SRRM4: variants seen among roughly 807,000 people sequenced by gnomAD.
SRRM4 encodes serine/arginine repetitive matrix 4, also known as serine/arginine repetitive matrix protein 4.
SRRM4 carries 33 observed loss-of-function variants against 68.9 expected under a neutral mutation model. The observed-to-expected ratio is 0.48, with a 90% CI of 0.36 to 0.64. The LOEUF is 0.64. SRRM4 is among the 30% of genes least tolerant of loss of function. The pLI is 0.00. For synonymous variants in SRRM4, 318 were observed against 318.8 expected, an observed-to-expected ratio of 1.00 and a Z score of 0.03; for missense variants, 817 against 827.1, an observed-to-expected ratio of 0.99 and a Z score of 0.15.
intron 1 of SRRM4, among the ~76,000 whole-genome samples, chr12:119,100,354 G>T (rs1047481732): frequency 5.0e-5 from 6 of 119,526 alleles, no homozygotes; most frequent in Non-Finnish European, 7.4e-5. Context: ...TCTGGGTGTG[G>T]TGGTGTGTAA....
intron 6 of SRRM4, among the ~76,000 whole-genome samples, 156 bp downstream of exon 6, chr12:119,122,276 CAGGAAGGCAGGAAGGCAGGAAGGAAGGA>C (rs1954225054): frequency 1.1e-5 from 1 of 87,572 alleles, no homozygotes; most frequent in Non-Finnish European, 2.4e-5. Flanking sequence ...GGCAGGAAGG[CAGGAAGGCAGGAAGGCAGGAAGGAAGGA>C]AGGAAGGAAG....
At chr12:119,155,036 G>A (rs973381138) in intron 12 of SRRM4, among the ~76,000 whole-genome samples, 1 of 152,168 alleles carries the variant, frequency 6.6e-6, no homozygotes, top group African/African-American at 2.4e-5. Flanking sequence ...TCACCCATGA[G>A]ATATTGGAAG....
At chr12:119,025,321 T>C (rs139529369) in intron 1 of SRRM4, among the ~76,000 whole-genome samples, 200 of 152,128 alleles carry the variant, frequency 1.3e-3, no homozygotes, top group African/African-American at 4.6e-3. Flanking sequence ...GCAAGGAGTA[T>C]GCATGGGACA....
intron 1 of SRRM4, among the ~76,000 whole-genome samples, chr12:118,985,540 G>A (rs1953276806): frequency 6.6e-6 from 1 of 152,172 alleles, no homozygotes; most frequent in Non-Finnish European, 1.5e-5. Context: ...ATCTAACAGA[G>A]ATCATCCCAG....
At chr12:118,988,722 A>G (rs1953298367) in intron 1 of SRRM4, among the ~76,000 whole-genome samples, 1 of 152,222 alleles carries the variant, frequency 6.6e-6, no homozygotes, top group African/African-American at 2.4e-5. Context: ...CAGTGAATGA[A>G]CACAGGAACT....
At chr12:119,054,324 G>C (rs183843013) in intron 1 of SRRM4, among the ~76,000 whole-genome samples, 31 of 152,294 alleles carry the variant, frequency 2.0e-4, no homozygotes, top group South Asian at 1.0e-3. Context: ...GCCAGATGCT[G>C]TTATAATCCT....
At chr12:119,089,190 C>T (rs1953998635) in intron 1 of SRRM4, among the ~76,000 whole-genome samples, 1 of 152,086 alleles carries the variant, frequency 6.6e-6, no homozygotes, top group Non-Finnish European at 1.5e-5. Context: ...GGGTGCTGTG[C>T]CAAGATGACC....
At chr12:119,060,042 A>G (rs1953801092) in intron 1 of SRRM4, among the ~76,000 whole-genome samples, 1 of 152,064 alleles carries the variant, frequency 6.6e-6, no homozygotes. Flanking sequence ...TGGAAGTTGA[A>G]AGTCTGGACT....
chr12:119,088,683 G>A (rs1339603845), intron 1 of SRRM4, among the ~76,000 whole-genome samples: 1 of 146,496 alleles, frequency 6.8e-6, no homozygotes, highest in East Asian at 2.1e-4. Flanking sequence ...GTGGGGGTGG[G>A]TAATAAGTGG....
At chr12:119,088,810 C>A (rs1953995878) in intron 1 of SRRM4, among the ~76,000 whole-genome samples, 1 of 152,056 alleles carries the variant, frequency 6.6e-6, no homozygotes, top group Non-Finnish European at 1.5e-5. Flanking sequence ...TTGAACAAAG[C>A]CAGAGAGGTT....
chr12:119,016,575 A>C (rs1474342134), intron 1 of SRRM4, among the ~76,000 whole-genome samples: 1 of 152,220 alleles, frequency 6.6e-6, no homozygotes, highest in East Asian at 1.9e-4. Context: ...TTTGTCTACC[A>C]GGAGACTCAA....
At chr12:118,998,562 T>C (rs1953364213) in intron 1 of SRRM4, among the ~76,000 whole-genome samples, 1 of 152,244 alleles carries the variant, frequency 6.6e-6, no homozygotes, top group African/African-American at 2.4e-5. Flanking sequence ...GTTGGTGCCG[T>C]GCTCATCACA....
At chr12:119,062,869 T>C (rs1400415750) in intron 1 of SRRM4, among the ~76,000 whole-genome samples, 1 of 152,266 alleles carries the variant, frequency 6.6e-6, no homozygotes, top group African/African-American at 2.4e-5. Context: ...ACCAGATTCA[T>C]GGCTTTAGTT....
chr12:119,089,986 G>T (rs1297458583), intron 1 of SRRM4, among the ~76,000 whole-genome samples: 1 of 152,022 alleles, frequency 6.6e-6, no homozygotes, highest in Non-Finnish European at 1.5e-5. Flanking sequence ...ACTTCCTGTG[G>T]GTCACACAGC....
At chr12:119,113,910 C>T (rs539136856) in intron 2 of SRRM4, among the ~76,000 whole-genome samples, 27 of 152,048 alleles carry the variant, frequency 1.8e-4, no homozygotes, top group African/African-American at 6.3e-4. Context: ...ACTACGGACA[C>T]GATATATTGG....
chr12:119,117,662 C>T (rs2136050173), intron 4 of SRRM4, among the ~76,000 whole-genome samples: 1 of 152,168 alleles, frequency 6.6e-6, no homozygotes, highest in East Asian at 1.9e-4. Context: ...TACTGTAGTC[C>T]TGGCACTTTG....
intron 8 of SRRM4, among the ~76,000 whole-genome samples, chr12:119,140,474 G>C (rs1376426391): frequency 6.6e-6 from 1 of 151,522 alleles, no homozygotes; most frequent in Non-Finnish European, 1.5e-5. Flanking sequence ...TTTGTACCCA[G>C]TAACCATGCC....
Position 119,085,201 on chromosome 12 carries a change from CA to C in SRRM4, c.132-17033del, listed in dbSNP as rs143926427. On this transcript the variant is annotated intron_variant, in intron 1 of 12. Coordinates refer to ENST00000267260, the MANE Select transcript of SRRM4 (RefSeq NM_194286.4). ...ACAGGCGTGAGCCACTGAGGCTGGC[CA>C]ATGCCATTTTTTAATTAGCAAACAC... 2.1e-3 allele frequency among the ~76,000 whole-genome samples: 313 copies of C among 152,340 alleles called. 2 individuals carry two copies. Among genetic ancestry groups the C allele is most frequent in the African/African-American group, 7.2e-3 (301 of 41,588 alleles).
chr12:119,141,179 G>A (rs1387913813), intron 8 of SRRM4, among the ~76,000 whole-genome samples: 2 of 152,180 alleles, frequency 1.3e-5, no homozygotes, highest in African/African-American at 4.8e-5. Context: ...CTGACCTCAA[G>A]TAATCCACCC....
Sources: allele counts gnomAD v4.1 joint callset (sites outside exome capture counted in the v4.1 genomes callset), GRCh38; gene constraint gnomAD v4.1.1; transcripts MANE v1.5; gene names NCBI Gene and HGNC (gene_info 2026-07-23, HGNC 2026-07-21).